Variants in TXLNG observed in about 807,000 individuals in gnomAD.
The protein encoded by TXLNG is gamma-taxilin.
TXLNG carries 5 observed loss-of-function variants against 38.8 expected under a neutral mutation model. The ratio of observed to expected loss-of-function variants is 0.13; its 90% confidence interval spans 0.07 to 0.27. The LOEUF is 0.27. Among genes scored for constraint, TXLNG ranks in the 10% least tolerant of loss-of-function variants. The pLI, the probability that TXLNG is intolerant of heterozygous loss-of-function variation, is 1.00. For synonymous variants in TXLNG, 182 were observed against 158.2 expected, an observed-to-expected ratio of 1.15 and a Z score of -1.13; for missense variants, 393 against 398.2, an observed-to-expected ratio of 0.99 and a Z score of 0.11.
intron 1 of TXLNG, among the ~76,000 whole-genome samples, chrX:16,795,561 T>A (rs1299682182): frequency 8.9e-6 from 1 of 111,834 alleles, no homozygotes; most frequent in Non-Finnish European, 1.9e-5. Flanking sequence ...TTAGCACTAG[T>A]CTGCCTCTCT....
intron 1 of TXLNG, among the ~76,000 whole-genome samples, chrX:16,808,792 A>G (rs1315196674): frequency 8.9e-6 from 1 of 111,758 alleles, no homozygotes; most frequent in Non-Finnish European, 1.9e-5. Flanking sequence ...ATTTATTGAT[A>G]TTTAGGATAT....
intron 3 of TXLNG, among the ~76,000 whole-genome samples, chrX:16,821,271 G>T (rs1350864223): frequency 1.9e-5 from 2 of 106,876 alleles, no homozygotes; most frequent in African/African-American, 3.4e-5. Context: ...CTCCTGAGTA[G>T]TTGGGACTAC....
intron 1 of TXLNG, among the ~76,000 whole-genome samples, chrX:16,788,667 G>GGTTT (rs1555988211): frequency 2.5e-5 from 2 of 80,348 alleles, no homozygotes; most frequent in Non-Finnish European, 4.7e-5. Context: ...AACTTGTTGT[G>GGTTT]TTTTTTTTTT....
rs1279096342 is a variant in TXLNG at position 16,843,592 on chromosome X, A to G, written c.*1826A>G. On this transcript the variant is annotated 3_prime_UTR_variant, in exon 10 of 10. Coordinates refer to ENST00000380122, the MANE Select transcript of TXLNG (RefSeq NM_018360.3). The stretch of plus-strand genomic sequence containing the variant: ...TATAATCCACCTTAAAATTAGTACT[A>G]ATGATCACATTATTTCACAAGAACT... The G allele has an allele frequency of 1.8e-5, 2 of 111,974 alleles. No individual in the cohort carries two copies. The highest frequency in any genetic ancestry group is 2.8e-4 in the East Asian group (1 of 3,580). The allele number at this position is 111,974 out of a possible 1,213,427, so 9.2% of individuals were successfully genotyped here.
chrX:16,805,059 A>C (rs191339844), intron 1 of TXLNG, among the ~76,000 whole-genome samples: 2 of 87,542 alleles, frequency 2.3e-5, no homozygotes, highest in Admixed American at 3.2e-4. Flanking sequence ...TGGTGCAGTC[A>C]TAGCTTGCTG....
intron 5 of TXLNG, 96 bp from the exon 6 acceptor site, chrX:16,832,527 G>A: frequency 1.5e-5 from 16 of 1,090,673 alleles, no homozygotes; most frequent in Non-Finnish European, 2.0e-5. Context: ...TAGCAGAACA[G>A]CAGGGTGAGC....
rs770425346 is a variant in TXLNG, at chrX:16,831,184, A to C, written c.864+1414A>C. On this transcript the variant is annotated intron_variant, in intron 5 of 9. Coordinates refer to ENST00000380122, the MANE Select transcript of TXLNG (RefSeq NM_018360.3). Reference sequence around the variant, plus strand: ...TGCAATGGCTCACGCCTGTAATCCCAGCACTTTGGGAGGCCAAGGCAGGAG... The same window carrying C: ...TGCAATGGCTCACGCCTGTAATCCCCGCACTTTGGGAGGCCAAGGCAGGAG... Among the ~76,000 whole-genome samples, 252 of 112,337 alleles carry C rather than the reference A, an allele frequency of 2.2e-3. 1 individual carries two copies. Among genetic ancestry groups the C allele is most frequent in the African/African-American group, 7.9e-3 (245 of 31,002 alleles).
chrX:16,829,050 A>G (rs531007912), intron 4 of TXLNG, among the ~76,000 whole-genome samples: 103 of 111,851 alleles, frequency 9.2e-4, no homozygotes, highest in Middle Eastern at 9.3e-3. Context: ...CCCATAGGAA[A>G]TCAATATTTT....
chrX:16,821,204 G>A (rs1928941565), intron 3 of TXLNG, among the ~76,000 whole-genome samples: 1 of 92,170 alleles, frequency 1.1e-5, no homozygotes, highest in Non-Finnish European at 2.1e-5. Flanking sequence ...TCAGTGGTGC[G>A]ATCTTGGGTC....
intron 1 of TXLNG, among the ~76,000 whole-genome samples, chrX:16,805,417 TAAAA>T (rs1005093664): frequency 2.0e-5 from 2 of 99,671 alleles, no homozygotes; most frequent in Admixed American, 1.1e-4. Context: ...TTCATAAAAA[TAAAA>T]AAACCAAAAC....
intron 1 of TXLNG, among the ~76,000 whole-genome samples, chrX:16,788,685 T>TTTTTTTA (rs1927592996): frequency 9.5e-6 from 1 of 104,958 alleles, no homozygotes; most frequent in African/African-American, 3.5e-5. Flanking sequence ...TTTTTTTTTT[T>TTTTTTTA]GAGTCAGAGT....
intron 3 of TXLNG, among the ~76,000 whole-genome samples, chrX:16,826,013 C>G (rs1453886750): frequency 8.9e-6 from 1 of 111,807 alleles, no homozygotes; most frequent in Non-Finnish European, 1.9e-5. Context: ...TTTGCACTAG[C>G]TACAATAAAG....
intron 3 of TXLNG, among the ~76,000 whole-genome samples, chrX:16,825,983 A>G (rs751000396): frequency 8.9e-6 from 1 of 112,521 alleles, no homozygotes; most frequent in Non-Finnish European, 1.9e-5. Context: ...TGTAAATTAA[A>G]TGAAAATTTC....
At chrX:16,831,310 G>T (rs889513535) in intron 5 of TXLNG, among the ~76,000 whole-genome samples, 2 of 112,360 alleles carry the variant, frequency 1.8e-5, no homozygotes, top group Non-Finnish European at 3.8e-5. Context: ...GTACTCACCT[G>T]TAGTCCCAGC....
rs766635593 is a variant in TXLNG at position 16,823,327 on chromosome X, G to A, written c.498+3072G>A. The stretch of plus-strand genomic sequence containing the variant: ...TACAAAATTTGCTGGGCGTGGTGGC[G>A]CATACCTGTAATCCCAGCTACTCAG... On this transcript the variant is annotated intron_variant, in intron 3 of 9. Coordinates refer to ENST00000380122, the MANE Select transcript of TXLNG (RefSeq NM_018360.3). Among the ~76,000 whole-genome samples, 7 of 108,145 alleles carry A rather than the reference G, an allele frequency of 6.5e-5. No individual in the cohort carries two copies. The South Asian group carries it at 1.6e-3, about 25-fold the overall frequency. 93.9% of individuals were successfully genotyped at this position (108,145 alleles called of 115,157 possible).
At chrX:16,806,030 A>G (rs1011532220) in intron 1 of TXLNG, among the ~76,000 whole-genome samples, 26 of 112,763 alleles carry the variant, frequency 2.3e-4, no homozygotes, top group Admixed American at 2.1e-3. Flanking sequence ...TTGATAAAGC[A>G]TTAGCTGTGA....
At position 16,842,081 on chromosome X, in the gene TXLNG, C is replaced by T; in HGVS notation, c.*315C>T. ...ATGAAAATTTCACTGACAGGGCCGA[C>T]CATTACAAGGGAACTTTGTTCTGAC... On this transcript the variant is annotated 3_prime_UTR_variant, in exon 10 of 10. Transcript: ENST00000380122. 1 of 206,980 alleles carries T rather than the reference C, an allele frequency of 4.8e-6. No individual in the cohort carries two copies. The highest frequency in any genetic ancestry group is 8.8e-6 in the Non-Finnish European group (1 of 113,724). 17.1% of individuals were successfully genotyped at this position (206,980 alleles called of 1,213,427 possible).
At chrX:16,827,763 C>T (rs1929221838) in intron 3 of TXLNG, among the ~76,000 whole-genome samples, 2 of 111,790 alleles carry the variant, frequency 1.8e-5, no homozygotes, top group Admixed American at 9.5e-5. Flanking sequence ...TGTTAGGCAA[C>T]TTATTAATGT....
chrX:16,799,435 A>G (rs1046046929), intron 1 of TXLNG, among the ~76,000 whole-genome samples: 5 of 111,427 alleles, frequency 4.5e-5, no homozygotes, highest in Non-Finnish European at 9.4e-5. Context: ...TAATGTTCCT[A>G]CTGTCTTAGA....
Sources: gnomAD v4.1 joint callset for allele counts (sites outside exome capture counted in the v4.1 genomes callset) on GRCh38, gnomAD v4.1.1 for gene constraint, MANE v1.5 for transcripts, NCBI Gene and HGNC (gene_info 2026-07-23, HGNC 2026-07-21) for gene names.